The following DDX54 variants were observed in gnomAD, a reference collection of about 807,000 sequenced individuals.
DDX54 encodes DEAD-box helicase 54.
DDX54 carries 67 observed loss-of-function variants against 105.5 expected under a neutral mutation model. The observed-to-expected ratio is 0.64, with a 90% CI of 0.52 to 0.78. The LOEUF (loss-of-function observed/expected upper bound fraction) is 0.78, where lower values mean the gene tolerates loss of function less well. DDX54 is among the 30% of genes least tolerant of loss of function. DDX54 has a pLI of 0.00. For missense variants in DDX54, 1,206 were observed against 1,230.5 expected (o/e 0.98, Z 0.30); for synonymous variants, 514 against 509.9 (o/e 1.01, Z -0.11).
chr12:113,161,906 A>G lies in DDX54; in HGVS notation c.2287T>C (p.Tyr763His). The G allele has an allele frequency of 1.9e-6, 3 of 1,606,366 alleles. No individual in the cohort carries two copies. The highest frequency in any genetic ancestry group is 2.5e-6 in the Non-Finnish European group (3 of 1,176,658). Residue 763 changes from tyrosine to histidine, a missense_variant, in exon 18 of 20, where the codon TAC (tyrosine) becomes CAC (histidine). Physicochemically the swap from Tyr to His is moderately conservative, Grantham distance 83 (BLOSUM62 2). This residue lies in a region of DDX54 where 961 missense variants were observed against 1,019.1 expected (regional missense o/e 0.94). Transcript: ENST00000306014. ...CCCTCAGGATACAGGTCTCGCTTGT[A>G]GGAGCTGCTGATGTAGCGGCCGCTC... ...TESGRYISSS[Y>H]KRDLYQKWKQ...
intron 1 of DDX54, 106 bp downstream of exon 1, chr12:113,185,172 C>T: frequency 4.4e-6 from 6 of 1,366,668 alleles, no homozygotes; most frequent in Non-Finnish European, 4.7e-6. Flanking sequence ...GCCTCCCTCC[C>T]CACACTCTGC....
rs1420861201 is a variant in DDX54, at chr12:113,185,278, C to G, written c.174G>C (p.Lys58Asn). 6.4e-7 allele frequency: 1 copy of G among 1,561,204 alleles called. No homozygotes were observed. The highest frequency in any genetic ancestry group is 8.6e-7 in the Non-Finnish European group (1 of 1,156,294). The change falls in exon 1 of 20, where the codon AAG (lysine) becomes AAC (asparagine). Residue 58 changes from lysine (K) to asparagine (N), a missense_variant and splice_region_variant. Physicochemically the swap from Lys to Asn is moderately conservative, Grantham distance 94. Coordinates refer to ENST00000306014, the MANE Select transcript of DDX54 (RefSeq NM_024072.4). ...IQAEDDARAR[K>N]LGPGRPLPTF... ...ATGCGTCCCAGCCCCACGCGCCTAC[C>G]TTCCGGGCCCGGGCGTCATCTTCCG...
chr12:113,162,078 C>A, intron 17 of DDX54, 81 bp from the exon 18 acceptor site: 2 of 1,302,868 alleles, frequency 1.5e-6, no homozygotes, highest in Non-Finnish European at 2.2e-6. Flanking sequence ...TGTCTCCTCA[C>A]CCGACCCTCT....
Position 113,185,463 on chromosome 12 carries a change from G to T in DDX54, c.-12C>A, listed in dbSNP as rs74364136. 5.7e-3 allele frequency: 8,470 copies of T among 1,494,072 alleles called. 494 individuals are homozygous for T. The East Asian group carries it at 0.15, about 27-fold the overall frequency. The allele number at this position is 1,494,072 out of a possible 1,614,324, so 92.6% of individuals were successfully genotyped here. A position where few individuals can be genotyped will look rare whatever the true frequency, so the allele number is the denominator to read the frequency against. ...TTGTCGGCCGCCATTCGGGCCGCGC[G>T]CTGGGAACGCAGAAGGGGGCGTGGC... On this transcript the variant is annotated 5_prime_UTR_variant, in exon 1 of 20. Coordinates refer to ENST00000306014, the MANE Select transcript of DDX54 (RefSeq NM_024072.4).
At position 113,159,014 on chromosome 12, in the gene DDX54, G is replaced by C; in HGVS notation, c.2509C>G (p.Gln837Glu). 3 of 1,611,848 alleles carry C rather than the reference G, an allele frequency of 1.9e-6. No individual in the cohort carries two copies. Among genetic ancestry groups the C allele is most frequent in the Non-Finnish European group, 2.5e-6 (3 of 1,179,310 alleles). ...QQILKQRRRA[Q>E]KLHFLQRGGL... ...CCACGCTGCAGGAAGTGCAGCTTCT[G>C]GGCCCGGCGCCGCTGCTTCAGGATC... The change falls in exon 20 of 20, where the codon CAG becomes GAG. Residue 837 changes from glutamine to glutamate, a missense_variant. Physicochemically the swap from Gln to Glu is conservative, Grantham distance 29 (BLOSUM62 2). Transcript: ENST00000306014.
intron 5 of DDX54, among the ~76,000 whole-genome samples, chr12:113,178,241 TAAAC>T (rs1262177192): frequency 1.3e-5 from 2 of 151,986 alleles, no homozygotes; most frequent in Non-Finnish European, 2.9e-5. Flanking sequence ...TGTCTCAAAA[TAAAC>T]AAACAAAAAA....
chr12:113,158,809 T>C lies in DDX54; in HGVS notation c.*68A>G. ...CAGCACAGGGCCAGGCACACAGTGGTGCACGGGAACGTCTGCTGATGCCCA... is the reference window on the plus strand; with the variant it reads ...CAGCACAGGGCCAGGCACACAGTGGCGCACGGGAACGTCTGCTGATGCCCA... On this transcript the variant is annotated 3_prime_UTR_variant, in exon 20 of 20. Transcript: ENST00000306014. This position sits in a 1 kb window ranked among gnomAD's most constrained non-coding sequence, Gnocchi z 4.9. The C allele has an allele frequency of 6.7e-7, 1 of 1,489,914 alleles. No individual in the cohort carries two copies. The highest frequency in any genetic ancestry group is 1.8e-4 in the Middle Eastern group (1 of 5,614). 92.3% of individuals were successfully genotyped at this position (1,489,914 alleles called of 1,614,324 possible). A position where few individuals can be genotyped will look rare whatever the true frequency, so the allele number is the denominator to read the frequency against.
At chr12:113,172,286 T>G (rs58865727) in intron 11 of DDX54, 67 bp downstream of exon 11, 1 of 1,539,222 alleles carries the variant, frequency 6.5e-7, no homozygotes, top group Non-Finnish European at 8.8e-7. Context: ...AGTTAAGCCT[T>G]GTACCCTCGG....
chr12:113,166,787 C>A (rs928444926), intron 12 of DDX54, among the ~76,000 whole-genome samples: 1 of 152,128 alleles, frequency 6.6e-6, no homozygotes, highest in African/African-American at 2.4e-5. Flanking sequence ...CCACAGCAAC[C>A]CTGTTCTATA....
intron 12 of DDX54, chr12:113,167,910 A>G (rs780502481): frequency 2.0e-6 from 1 of 508,658 alleles, no homozygotes; most frequent in Non-Finnish European, 3.9e-6. Flanking sequence ...CCTGCCTGTC[A>G]CTGGGCCCCT....
intron 11 of DDX54, 146 bp downstream of exon 11, chr12:113,172,207 A>C: frequency 2.3e-6 from 2 of 882,968 alleles, no homozygotes; most frequent in African/African-American, 1.7e-5. Flanking sequence ...GTTTGAGACC[A>C]GCTTAAGCAA....
intron 19 of DDX54, chr12:113,159,348 C>A: frequency 5.2e-5 from 26 of 500,560 alleles, no homozygotes; most frequent in East Asian, 1.3e-4. Context: ...GGACCGTGGG[C>A]AAGAAGTTAA....
chr12:113,172,195 G>T (rs774030360), intron 11 of DDX54, among the ~76,000 whole-genome samples, 158 bp downstream of exon 11: 3 of 151,788 alleles, frequency 2.0e-5, no homozygotes, highest in Non-Finnish European at 2.9e-5. Context: ...GCACGATCGC[G>T]AGTTTGAGAC....
intron 11 of DDX54, among the ~76,000 whole-genome samples, chr12:113,171,034 T>C (rs1011956693): frequency 1.3e-5 from 2 of 152,308 alleles, no homozygotes; most frequent in East Asian, 1.9e-4. Context: ...GAGATTTCAT[T>C]TGAGGTTGTC....
chr12:113,162,823 G>T, intron 17 of DDX54, 109 bp downstream of exon 17: 1 of 1,052,014 alleles, frequency 9.5e-7, no homozygotes, highest in Non-Finnish European at 1.3e-6. Flanking sequence ...CACTCACCCC[G>T]GGCATGGAGG....
In DDX54 at chr12:113,185,408, GCT is replaced by G. The variant is rs753660481; in HGVS notation, c.42_43del (p.Ala15CysfsTer32). Reference sequence around the variant, plus strand: ...CTTCTTCCTCCACTGGGCCATGGCAGCTCGCGACCGAGGTCCAGCCGCCGGGC... The same window carrying G: ...CTTCTTCCTCCACTGGGCCATGGCAGCGCGACCGAGGTCCAGCCGCCGGGC... On this transcript the variant is annotated frameshift_variant, in exon 1 of 20. Transcript: ENST00000306014. LOFTEE classifies it high-confidence loss of function. 6.5e-7 allele frequency: 1 copy of G among 1,538,628 alleles called. No homozygotes were observed. Among genetic ancestry groups the G allele is most frequent in the Non-Finnish European group, 8.7e-7 (1 of 1,145,090 alleles).
chr12:113,175,555 A>G (rs957806715), intron 7 of DDX54, among the ~76,000 whole-genome samples: 19 of 152,112 alleles, frequency 1.2e-4, no homozygotes, highest in Non-Finnish European at 2.5e-4. Context: ...TTGGGAGGCC[A>G]AGGCGGGCGG....
intron 11 of DDX54, among the ~76,000 whole-genome samples, chr12:113,171,346 A>T (rs780860872): frequency 6.6e-6 from 1 of 152,206 alleles, no homozygotes; most frequent in Non-Finnish European, 1.5e-5. Context: ...TCACGCCTGT[A>T]ATCACAGCAC....
chr12:113,164,535 G>A (rs990914880), intron 14 of DDX54, among the ~76,000 whole-genome samples: 5 of 151,870 alleles, frequency 3.3e-5, no homozygotes, highest in Non-Finnish European at 5.9e-5. Flanking sequence ...CCAACACGGC[G>A]AAACCCCATC....
Sources: gnomAD v4.1 joint callset for allele counts (sites outside exome capture counted in the v4.1 genomes callset) on GRCh38, gnomAD v4.1.1 for gene constraint, gnomAD v4.1.1 regional missense constraint, Gnocchi (gnomAD v3.1) non-coding constraint, MANE v1.5 for transcripts, NCBI Gene and HGNC (gene_info 2026-07-23, HGNC 2026-07-21) for gene names.